FANCC: variants seen among roughly 807,000 people sequenced by gnomAD.
FANCC encodes the protein FA complementation group C.
Under a neutral mutation model 71.3 loss-of-function variants are expected in FANCC, and 55 were observed. That is an observed-to-expected ratio of 0.77 (90% confidence interval 0.62 to 0.97). The LOEUF (loss-of-function observed/expected upper bound fraction) is 0.97, where lower values mean the gene tolerates loss of function less well. Ranked by LOEUF, FANCC falls within the 50% of genes least tolerant of loss-of-function variation. The pLI, the probability that FANCC is intolerant of heterozygous loss-of-function variation, is 0.00. For synonymous variants in FANCC, 275 were observed against 244.9 expected (o/e 1.12, Z -1.15); for missense variants, 678 against 670.9 (o/e 1.01, Z -0.12).
chr9:95,209,508 T>C (rs887038430), intron 4 of FANCC, among the ~76,000 whole-genome samples: 1 of 152,202 alleles, frequency 6.6e-6, no homozygotes, highest in African/African-American at 2.4e-5. Flanking sequence ...ACCTGTACCT[T>C]CCACTCAATT....
chr9:95,157,127 G>T (rs78042484), intron 6 of FANCC, among the ~76,000 whole-genome samples: 1 of 150,486 alleles, frequency 6.6e-6, no homozygotes, highest in Non-Finnish European at 1.5e-5. Context: ...GTTTTCCTGT[G>T]TTTTTTTTTC....
intron 1 of FANCC, among the ~76,000 whole-genome samples, chr9:95,307,071 G>C (rs930081430): frequency 6.6e-6 from 1 of 152,102 alleles, no homozygotes; most frequent in African/African-American, 2.4e-5. Context: ...TTTTTGTAGA[G>C]ACAAGGTTTC....
At chr9:95,219,193 G>A (rs945882586) in intron 4 of FANCC, among the ~76,000 whole-genome samples, 12 of 152,168 alleles carry the variant, frequency 7.9e-5, no homozygotes, top group African/African-American at 2.9e-4. Context: ...GCAGGAAACT[G>A]CAGTCACCTG....
Position 95,194,146 on chromosome 9 carries a change from A to C in FANCC, c.346-21999T>G, listed in dbSNP as rs1827273994. 2.0e-5 allele frequency among the ~76,000 whole-genome samples: 3 copies of C among 152,158 alleles called. 1 individual carries two copies. The highest frequency in any genetic ancestry group is 4.4e-5 in the Non-Finnish European group (3 of 68,026). On this transcript the variant is annotated intron_variant, in intron 4 of 14. Coordinates refer to ENST00000289081, the MANE Select transcript of FANCC (RefSeq NM_000136.3). ...ACTCACTGGGCCAGGCAGAGCATGG[A>C]AACTAGATTAATTAAATTTCGTATA...
chr9:95,314,491 A>G (rs1045622886), intron 1 of FANCC, among the ~76,000 whole-genome samples: 1 of 152,102 alleles, frequency 6.6e-6, no homozygotes, highest in Non-Finnish European at 1.5e-5. Context: ...GTCTCTACTA[A>G]AAATACAAAA....
intron 1 of FANCC, among the ~76,000 whole-genome samples, chr9:95,291,965 AAAATAT>A (rs1834037665): frequency 1.2e-5 from 1 of 84,920 alleles, no homozygotes; most frequent in African/African-American, 4.1e-5. Flanking sequence ...AAAAAAAAAA[AAAATAT>A]ATATATATAT....
intron 1 of FANCC, among the ~76,000 whole-genome samples, chr9:95,253,645 A>G (rs1831485748): frequency 6.6e-6 from 1 of 152,054 alleles, no homozygotes; most frequent in African/African-American, 2.4e-5. Flanking sequence ...ACTGTTTCAG[A>G]TATTTCTCTT....
chr9:95,249,026 A>T, intron 2 of FANCC, 101 bp downstream of exon 2: 1 of 1,280,362 alleles, frequency 7.8e-7, no homozygotes, highest in Non-Finnish European at 1.1e-6. Context: ...CACTTCAGTC[A>T]ATACCACAAG....
intron 7 of FANCC, among the ~76,000 whole-genome samples, chr9:95,144,911 C>T (rs1253565280): frequency 6.6e-6 from 1 of 152,132 alleles, no homozygotes; most frequent in African/African-American, 2.4e-5. Flanking sequence ...AAACATAACG[C>T]TCGGACTCCT....
At chr9:95,198,913 CT>C (rs1306185196) in intron 4 of FANCC, among the ~76,000 whole-genome samples, 1 of 152,016 alleles carries the variant, frequency 6.6e-6, no homozygotes, top group Admixed American at 6.5e-5. Flanking sequence ...AACTTTTAAA[CT>C]TTTTTTGTAG....
At chr9:95,212,146 C>G (rs1828546977) in intron 4 of FANCC, among the ~76,000 whole-genome samples, 1 of 152,060 alleles carries the variant, frequency 6.6e-6, no homozygotes, top group Non-Finnish European at 1.5e-5. Flanking sequence ...TAGGTTAACA[C>G]TGATAGAATT....
chr9:95,160,489 T>C (rs1020245515), intron 6 of FANCC, among the ~76,000 whole-genome samples: 1 of 152,188 alleles, frequency 6.6e-6, no homozygotes, highest in Non-Finnish European at 1.5e-5. Flanking sequence ...TCTTTTTGCT[T>C]AGGATTGTCT....
At chr9:95,172,928 A>G (rs958411904) in intron 4 of FANCC, among the ~76,000 whole-genome samples, 1 of 152,218 alleles carries the variant, frequency 6.6e-6, no homozygotes, top group Non-Finnish European at 1.5e-5. Context: ...CAGAAAAATA[A>G]TATGAGCACA....
chr9:95,266,227 G>C (rs1482901355), intron 1 of FANCC, among the ~76,000 whole-genome samples: 1 of 152,164 alleles, frequency 6.6e-6, no homozygotes, highest in Admixed American at 6.5e-5. Flanking sequence ...CTTTATGCTT[G>C]TAACTCTTAC....
chr9:95,122,711 G>A (rs151274551), intron 10 of FANCC, among the ~76,000 whole-genome samples: 11 of 152,290 alleles, frequency 7.2e-5, no homozygotes, highest in Non-Finnish European at 1.5e-4. Context: ...AAAAAGAGGC[G>A]CGAGCTAACC....
At chr9:95,122,749 G>A (rs2072986826) in intron 10 of FANCC, among the ~76,000 whole-genome samples, 1 of 152,222 alleles carries the variant, frequency 6.6e-6, no homozygotes, top group Non-Finnish European at 1.5e-5. Flanking sequence ...ACTCCTCCGT[G>A]GCCTCTGCTC....
chr9:95,302,865 G>C, intron 1 of FANCC, among the ~76,000 whole-genome samples: 1 of 152,202 alleles, frequency 6.6e-6, no homozygotes, highest in African/African-American at 2.4e-5. Flanking sequence ...GATCACTGCA[G>C]ACGCAGTTAT....
At chr9:95,184,867 T>C (rs1826608855) in intron 4 of FANCC, among the ~76,000 whole-genome samples, 1 of 152,214 alleles carries the variant, frequency 6.6e-6, no homozygotes, top group Non-Finnish European at 1.5e-5. Context: ...TCCAATCACC[T>C]CTGGCTGAAC....
chr9:95,186,389 T>A (rs1311515001), intron 4 of FANCC: 7 of 152,292 alleles, frequency 4.6e-5, no homozygotes, highest in African/African-American at 1.7e-4. Flanking sequence ...TCACAAGTTG[T>A]GACAACCACA....
Sources: gnomAD v4.1 joint callset for allele counts (sites outside exome capture counted in the v4.1 genomes callset) on GRCh38, gnomAD v4.1.1 for gene constraint, MANE v1.5 for transcripts, NCBI Gene and HGNC (gene_info 2026-07-23, HGNC 2026-07-21) for gene names.